Variants in NPSR1 observed in about 807,000 individuals in gnomAD.
NPSR1 encodes neuropeptide S receptor.
Under a neutral mutation model 46.9 loss-of-function variants are expected in NPSR1, and 48 were observed. The ratio of observed to expected loss-of-function variants is 1.02; its 90% CI spans 0.81 to 1.30. The LOEUF is 1.30. Among genes scored for constraint, NPSR1 ranks in the 50% most tolerant of loss-of-function variants. The pLI is 0.00. For synonymous variants in NPSR1, 176 were observed against 168.1 expected (o/e 1.05, Z -0.36); for missense variants, 450 against 449.5 (o/e 1.00, Z -0.01).
intron 8 of NPSR1, among the ~76,000 whole-genome samples, chr7:34,865,429 G>C (rs921249720): frequency 9.9e-5 from 15 of 151,700 alleles, no homozygotes; most frequent in African/African-American, 3.7e-4. Flanking sequence ...GCTGAGCTGA[G>C]CATGCTCAGT....
chr7:34,773,895 C>T (rs377025964), intron 2 of NPSR1, among the ~76,000 whole-genome samples: 1 of 152,250 alleles, frequency 6.6e-6, no homozygotes, highest in East Asian at 1.9e-4. Flanking sequence ...TAGTGTTAAA[C>T]GCATGACACA....
At chr7:34,797,879 A>C (rs1788252618) in intron 3 of NPSR1, among the ~76,000 whole-genome samples, 1 of 152,190 alleles carries the variant, frequency 6.6e-6, no homozygotes, top group Non-Finnish European at 1.5e-5. Flanking sequence ...AAATATTTAA[A>C]GTGGGAAAAG....
chr7:34,789,333 T>C (rs1331367206), intron 3 of NPSR1, among the ~76,000 whole-genome samples: 2 of 151,434 alleles, frequency 1.3e-5, no homozygotes, highest in Non-Finnish European at 2.9e-5. Flanking sequence ...AGAAAAACAA[T>C]AGAAAAGATC....
At chr7:34,789,832 G>A (rs1214379599) in intron 3 of NPSR1, among the ~76,000 whole-genome samples, 3 of 150,280 alleles carry the variant, frequency 2.0e-5, no homozygotes, top group South Asian at 2.1e-4. Context: ...GAGTATTGAA[G>A]GAATGGAAAA....
intron 2 of NPSR1, among the ~76,000 whole-genome samples, chr7:34,733,463 G>T (rs1321845924): frequency 1.3e-5 from 2 of 151,300 alleles, no homozygotes; most frequent in African/African-American, 2.4e-5. Flanking sequence ...ATGAATCCTT[G>T]CAGAGCAAAA....
At chr7:34,707,001 GA>G (rs947197764) in intron 2 of NPSR1, among the ~76,000 whole-genome samples, 40 of 152,024 alleles carry the variant, frequency 2.6e-4, no homozygotes, top group African/African-American at 9.4e-4. Context: ...TCAAACAGGA[GA>G]AAAAATGGCA....
intron 4 of NPSR1, among the ~76,000 whole-genome samples, chr7:34,813,569 C>A (rs1295335466): frequency 6.6e-6 from 1 of 152,084 alleles, no homozygotes; most frequent in African/African-American, 2.4e-5. Context: ...ACAATATGCA[C>A]AAAAATCCAT....
intron 3 of NPSR1, among the ~76,000 whole-genome samples, chr7:34,793,825 C>T (rs1788047984): frequency 6.6e-6 from 1 of 152,040 alleles, no homozygotes; most frequent in African/African-American, 2.4e-5. Context: ...AATCTATGTC[C>T]ATCAATGGAT....
intron 2 of NPSR1, among the ~76,000 whole-genome samples, chr7:34,760,428 G>A (rs1385293160): frequency 6.6e-6 from 1 of 152,150 alleles, no homozygotes; most frequent in Non-Finnish European, 1.5e-5. Flanking sequence ...AAAGAGCCCT[G>A]GATTCCGTGT....
At chr7:34,795,218 T>C (rs935125253) in intron 3 of NPSR1, among the ~76,000 whole-genome samples, 2 of 152,176 alleles carry the variant, frequency 1.3e-5, no homozygotes, top group African/African-American at 4.8e-5. Flanking sequence ...ACAACACCTA[T>C]TATGATTTCA....
intron 1 of NPSR1, among the ~76,000 whole-genome samples, chr7:34,678,669 A>C (rs1038786667): frequency 6.6e-6 from 1 of 151,966 alleles, no homozygotes; most frequent in Non-Finnish European, 1.5e-5. Flanking sequence ...TACTAAAAAT[A>C]CAAAAAATTA....
At chr7:34,871,387 T>C (rs1258624305) in intron 8 of NPSR1, 1 of 151,736 alleles carries the variant, frequency 6.6e-6, no homozygotes, top group Non-Finnish European at 1.5e-5. Context: ...TCTCCAACAT[T>C]GGGGATTACA....
intron 6 of NPSR1, among the ~76,000 whole-genome samples, chr7:34,841,375 G>A (rs1790560129): frequency 6.6e-6 from 1 of 152,200 alleles, no homozygotes; most frequent in Non-Finnish European, 1.5e-5. Flanking sequence ...ATGGCCATTT[G>A]GAGACTAAAT....
At chr7:34,804,169 C>A (rs1480708329) in intron 3 of NPSR1, among the ~76,000 whole-genome samples, 1 of 151,922 alleles carries the variant, frequency 6.6e-6, no homozygotes, top group Non-Finnish European at 1.5e-5. Flanking sequence ...TTCCATGAGG[C>A]CAGAAATGCC....
At chr7:34,717,545 G>A (rs1056121884) in intron 2 of NPSR1, among the ~76,000 whole-genome samples, 2 of 152,182 alleles carry the variant, frequency 1.3e-5, no homozygotes, top group Admixed American at 6.5e-5. Context: ...GGGCATTTGA[G>A]AAGCAATTGA....
intron 1 of NPSR1, among the ~76,000 whole-genome samples, chr7:34,665,455 C>A (rs1051798328): frequency 6.6e-6 from 1 of 152,196 alleles, no homozygotes; most frequent in Non-Finnish European, 1.5e-5. Flanking sequence ...TGATCCTTAC[C>A]TTCTGGCAGA....
chr7:34,805,272 T>G (rs909356319), intron 3 of NPSR1, among the ~76,000 whole-genome samples: 7 of 151,878 alleles, frequency 4.6e-5, no homozygotes, highest in Non-Finnish European at 8.8e-5. Flanking sequence ...CTACCTGATT[T>G]TAAGACTTAC....
At chr7:34,822,212 G>C (rs1410553057) in intron 4 of NPSR1, among the ~76,000 whole-genome samples, 2 of 152,168 alleles carry the variant, frequency 1.3e-5, no homozygotes, top group South Asian at 2.1e-4. Context: ...AGTCATTTTA[G>C]TACCGCAGCT....
At chr7:34,837,155 C>T (rs527237201) in intron 6 of NPSR1, among the ~76,000 whole-genome samples, 1 of 152,272 alleles carries the variant, frequency 6.6e-6, no homozygotes, top group South Asian at 2.1e-4. Flanking sequence ...TTCTGTTTTC[C>T]ACTTAGCCAT....
Sources: gnomAD v4.1 joint callset for allele counts (sites outside exome capture counted in the v4.1 genomes callset) on GRCh38, gnomAD v4.1.1 for gene constraint, MANE v1.5 for transcripts, NCBI Gene and HGNC (gene_info 2026-07-23, HGNC 2026-07-21) for gene names.